The following CSMD1 variants were observed in gnomAD, a reference collection of about 807,000 sequenced individuals.
The protein encoded by CSMD1 is CUB and sushi domain-containing protein 1.
A neutral mutation model predicts 417.5 loss-of-function variants in CSMD1; 213 were observed. That is an observed-to-expected ratio of 0.51 (90% CI 0.46 to 0.57). CSMD1 has a LOEUF of 0.57. CSMD1 is among the 20% of genes least tolerant of loss of function. The pLI, the probability that CSMD1 is intolerant of heterozygous loss-of-function variation, is 0.00. For missense variants in CSMD1, 6,923 were observed against 4,529.7 expected (o/e 1.53, Z -15.17); for synonymous variants, 2,862 against 1,736.8 (o/e 1.65, Z -16.11).
intron 5 of CSMD1, among the ~76,000 whole-genome samples, chr8:3,844,661 C>G (rs1408271324): frequency 6.6e-6 from 1 of 152,132 alleles, no homozygotes; most frequent in African/African-American, 2.4e-5. Context: ...TGGAAATTCA[C>G]TATTTGAATT....
chr8:4,535,342 TTTTAG>T (rs1206710639), intron 2 of CSMD1, among the ~76,000 whole-genome samples: 6 of 152,220 alleles, frequency 3.9e-5, no homozygotes, highest in African/African-American at 1.2e-4. Context: ...AAGTATCTTA[TTTTAG>T]TTTATTTATT....
In CSMD1 at chr8:4,022,944, G is replaced by C. The variant is rs78963531; in HGVS notation, c.610+8961C>G. 1.1e-4 allele frequency among the ~76,000 whole-genome samples: 16 copies of C among 152,286 alleles called. No individual in the cohort carries two copies. In the East Asian group the frequency reaches 2.3e-3, roughly 22 times the overall value. On this transcript the variant is annotated intron_variant, in intron 4 of 69. Transcript: ENST00000635120. ...CAACTAAGTAATGAGAGAAAAATAA[G>C]GATAATTCAAAATTTGAGGGCAAAT...
At chr8:3,600,747 A>G (rs2117077563) in intron 8 of CSMD1, among the ~76,000 whole-genome samples, 1 of 152,294 alleles carries the variant, frequency 6.6e-6, no homozygotes, top group South Asian at 2.1e-4. Flanking sequence ...TCCCCACTCT[A>G]TCACAGGATT....
intron 1 of CSMD1, among the ~76,000 whole-genome samples, chr8:4,710,941 G>A (rs137947654): frequency 6.6e-6 from 1 of 152,042 alleles, no homozygotes; most frequent in African/African-American, 2.4e-5. Flanking sequence ...AAAGGACCAT[G>A]CCCTATCCTG....
intron 1 of CSMD1, among the ~76,000 whole-genome samples, chr8:4,790,253 A>T (rs1456072263): frequency 6.6e-6 from 1 of 152,196 alleles, no homozygotes; most frequent in Admixed American, 6.5e-5. Context: ...AGAATAAAAT[A>T]ACTAGGAATA....
intron 1 of CSMD1, among the ~76,000 whole-genome samples, chr8:4,984,688 C>T (rs1408017911): frequency 1.2e-4 from 19 of 152,146 alleles, no homozygotes; most frequent in Admixed American, 1.2e-3. Context: ...GAGAACAAAC[C>T]ACTTGACTGG....
chr8:4,762,157 C>G (rs183443458), intron 1 of CSMD1, among the ~76,000 whole-genome samples: 1 of 151,896 alleles, frequency 6.6e-6, no homozygotes, highest in African/African-American at 2.4e-5. Context: ...GATGTCACCA[C>G]CTAGCAAAAG....
At chr8:3,603,236 G>C (rs1377505577) in intron 8 of CSMD1, among the ~76,000 whole-genome samples, 1 of 152,132 alleles carries the variant, frequency 6.6e-6, no homozygotes, top group East Asian at 1.9e-4. Context: ...TTCCTACTCT[G>C]CTTCAGTTTC....
chr8:4,273,603 T>G (rs924511852), intron 3 of CSMD1, among the ~76,000 whole-genome samples: 1 of 152,192 alleles, frequency 6.6e-6, no homozygotes, highest in Non-Finnish European at 1.5e-5. Flanking sequence ...CATTTGAAAT[T>G]CAAATTAAAT....
intron 22 of CSMD1, among the ~76,000 whole-genome samples, chr8:3,343,990 A>G (rs1011882172): frequency 6.6e-6 from 1 of 152,198 alleles, no homozygotes; most frequent in East Asian, 1.9e-4. Context: ...TTGAAATAAC[A>G]GAAGTATCTC....
chr8:3,275,396 A>C (rs1368576875), intron 26 of CSMD1, among the ~76,000 whole-genome samples: 2 of 151,858 alleles, frequency 1.3e-5, no homozygotes, highest in Non-Finnish European at 2.9e-5. Flanking sequence ...TGAATCTGAC[A>C]ATTATGTGTC....
At chr8:4,044,072 C>CTTGCCCA (rs1304672633) in intron 3 of CSMD1, among the ~76,000 whole-genome samples, 2 of 151,982 alleles carry the variant, frequency 1.3e-5, no homozygotes, top group African/African-American at 4.8e-5. Context: ...CCTGTCTTTT[C>CTTGCCCA]TTGCCCATTG....
chr8:3,795,007 A>T (rs62479732), intron 5 of CSMD1, among the ~76,000 whole-genome samples: 2 of 103,454 alleles, frequency 1.9e-5, no homozygotes, highest in African/African-American at 3.4e-5. Context: ...TATAGCTATA[A>T]ATACATATCT....
At chr8:3,506,271 C>G (rs540280709) in intron 10 of CSMD1, among the ~76,000 whole-genome samples, 3 of 152,170 alleles carry the variant, frequency 2.0e-5, no homozygotes, top group Non-Finnish European at 4.4e-5. Flanking sequence ...CATCATCTGT[C>G]ACAGACACTA....
intron 39 of CSMD1, among the ~76,000 whole-genome samples, chr8:3,155,387 A>T (rs1379488253): frequency 1.3e-3 from 6 of 4,732 alleles, no homozygotes; most frequent in African/African-American, 2.3e-3. Flanking sequence ...TTTTTTTTTG[A>T]GACAGAATCT....
intron 5 of CSMD1, among the ~76,000 whole-genome samples, chr8:3,807,670 T>G (rs530089760): frequency 3.3e-5 from 5 of 152,306 alleles, no homozygotes; most frequent in African/African-American, 1.2e-4. Flanking sequence ...CCTACACATC[T>G]CTATATAATT....
chr8:4,185,072 G>C (rs1044763123), intron 3 of CSMD1, among the ~76,000 whole-genome samples: 1 of 146,638 alleles, frequency 6.8e-6, no homozygotes, highest in East Asian at 2.0e-4. Context: ...CTGGGAGGCA[G>C]AGGTTGCAGT....
chr8:4,252,307 T>C (rs1444319729), intron 3 of CSMD1, among the ~76,000 whole-genome samples: 1 of 152,210 alleles, frequency 6.6e-6, no homozygotes, highest in African/African-American at 2.4e-5. Flanking sequence ...ACTCCAACAT[T>C]TGTGCAACAC....
intron 3 of CSMD1, among the ~76,000 whole-genome samples, chr8:4,063,080 T>C (rs1799063923): frequency 6.6e-6 from 1 of 152,116 alleles, no homozygotes; most frequent in African/African-American, 2.4e-5. Context: ...AAGAAAAACG[T>C]TCTAATGTTT....
Sources: gnomAD v4.1 joint callset for allele counts (sites outside exome capture counted in the v4.1 genomes callset) on GRCh38, gnomAD v4.1.1 for gene constraint, MANE v1.5 for transcripts, NCBI Gene and HGNC (gene_info 2026-07-23, HGNC 2026-07-21) for gene names.